Variants in UGT1A7 observed in about 807,000 individuals in gnomAD.
UGT1A7 encodes UDP glucuronosyltransferase family 1 member A7.
UGT1A7 carries 33 observed loss-of-function variants against 45.6 expected under a neutral mutation model. The ratio of observed to expected loss-of-function variants is 0.72; its 90% CI spans 0.55 to 0.97. The LOEUF (loss-of-function observed/expected upper bound fraction) is 0.97. UGT1A7 is among the 50% of genes least tolerant of loss of function. The pLI is 0.00. For missense variants in UGT1A7, 684 were observed against 666.2 expected, an observed-to-expected ratio of 1.03 and a Z score of -0.29; for synonymous variants, 274 against 250.6, an observed-to-expected ratio of 1.09 and a Z score of -0.88.
intron 1 of UGT1A7, chr2:233,729,523 C>T (rs753472390): frequency 6.2e-7 from 1 of 1,614,202 alleles, no homozygotes; most frequent in Non-Finnish European, 8.5e-7. Context: ...GGAGCTACTA[C>T]ATAATGAGGC....
rs1559392013 is a variant in UGT1A7 at position 233,747,291 on chromosome 2, T to C, written c.856-19743T>C. The C allele has an allele frequency of 3.1e-6, 5 of 1,600,838 alleles. No individual in the cohort carries two copies. In the African/African-American group the frequency reaches 4.0e-5, roughly 13 times the overall value. On this transcript the variant is annotated intron_variant, in intron 1 of 4. Transcript: ENST00000373426. ...TCCTTCTCAGTGCCCAGCCCTGGGCTGAGAGTGGGAAGGTGCTGGTGGTAC... is the reference window on the plus strand; with the variant it reads ...TCCTTCTCAGTGCCCAGCCCTGGGCCGAGAGTGGGAAGGTGCTGGTGGTAC...
intron 1 of UGT1A7, among the ~76,000 whole-genome samples, chr2:233,724,747 C>T (rs1469881894): frequency 7.0e-6 from 1 of 143,144 alleles, no homozygotes; most frequent in Admixed American, 7.0e-5. Context: ...TCCTCACATC[C>T]CAGACGATGG....
chr2:233,750,856 G>C (rs28899469), intron 1 of UGT1A7: 5,157 of 151,970 alleles, frequency 0.034, 172 homozygotes, highest in African/African-American at 0.052. Flanking sequence ...TGGATGTCCA[G>C]GCAGAAGTTT....
chr2:233,706,663 G>T (rs2075918745), intron 1 of UGT1A7, among the ~76,000 whole-genome samples: 1 of 152,176 alleles, frequency 6.6e-6, no homozygotes, highest in South Asian at 2.1e-4. Context: ...CTGTAGGTCT[G>T]ATTTCTACTC....
intron 1 of UGT1A7, chr2:233,760,508 A>T (rs983416663): frequency 5.0e-6 from 8 of 1,614,272 alleles, no homozygotes; most frequent in Non-Finnish European, 6.8e-6. Flanking sequence ...GGAGCATTTT[A>T]CACCTTGAAG....
intron 1 of UGT1A7, chr2:233,713,795 G>C: frequency 6.2e-7 from 1 of 1,614,030 alleles, no homozygotes; most frequent in East Asian, 2.2e-5. Flanking sequence ...ACCCCAGGCC[G>C]ATCATGCCCA....
intron 1 of UGT1A7, chr2:233,741,006 G>T (rs1691538713): frequency 6.6e-6 from 1 of 151,750 alleles, no homozygotes; most frequent in Admixed American, 6.6e-5. Context: ...AGGATCACTT[G>T]AGCCCAGGAA....
At chr2:233,754,204 A>G (rs1695418999) in intron 1 of UGT1A7, 1 of 163,390 alleles carries the variant, frequency 6.1e-6, no homozygotes, top group South Asian at 1.6e-4. Flanking sequence ...AAAACATTGA[A>G]GTCAAATGAT....
At chr2:233,719,837 GT>G in intron 1 of UGT1A7, 1 of 1,534,622 alleles carries the variant, frequency 6.5e-7, no homozygotes, top group Non-Finnish European at 8.8e-7. Flanking sequence ...GGGGCCTAGT[GT>G]ATTTCAAGTT....
At chr2:233,689,324 T>C (rs1400176387) in intron 1 of UGT1A7, among the ~76,000 whole-genome samples, 1 of 152,182 alleles carries the variant, frequency 6.6e-6, no homozygotes, top group Non-Finnish European at 1.5e-5. Flanking sequence ...ACATCTACAC[T>C]GAGATTTGCA....
intron 1 of UGT1A7, among the ~76,000 whole-genome samples, chr2:233,731,794 A>G (rs1329897659): frequency 6.6e-6 from 1 of 152,192 alleles, no homozygotes; most frequent in African/African-American, 2.4e-5. Context: ...GTTTGGGTAT[A>G]TACCCAGTAA....
chr2:233,740,373 A>C (rs1691376932), intron 1 of UGT1A7, among the ~76,000 whole-genome samples: 2 of 151,912 alleles, frequency 1.3e-5, no homozygotes, highest in Non-Finnish European at 2.9e-5. Context: ...CTAGAAAGGT[A>C]AGTTGTTGTG....
chr2:233,757,535 A>AATAT (rs67292694), intron 1 of UGT1A7, among the ~76,000 whole-genome samples: 4,411 of 88,266 alleles, frequency 0.05, 328 homozygotes, highest in Non-Finnish European at 0.062. Context: ...GCCTGTAAGG[A>AATAT]ATATATATAT....
intron 1 of UGT1A7, among the ~76,000 whole-genome samples, chr2:233,758,056 A>C (rs1696785048): frequency 6.6e-6 from 1 of 152,062 alleles, no homozygotes; most frequent in Non-Finnish European, 1.5e-5. Context: ...GACCATTTCT[A>C]ACTTGACTTT....
At position 233,743,070 on chromosome 2, in the gene UGT1A7, T is replaced by G. The variant is rs1338507367; in HGVS notation, c.856-23964T>G. 11 of 339,422 alleles carry G rather than the reference T, an allele frequency of 3.2e-5. No homozygotes were observed. The Admixed American group carries it at 4.5e-4, about 14-fold the overall frequency. 21.0% of individuals were successfully genotyped at this position (339,422 alleles called of 1,614,324 possible). A position where few individuals can be genotyped will look rare whatever the true frequency, so the allele number is the denominator to read the frequency against. On this transcript the variant is annotated intron_variant, in intron 1 of 4. Transcript: ENST00000373426. ...TAGTCCCAACGATAAGAACAGGTGT[T>G]GGCATGAAGTGTTTATAAATTCTTG...
In UGT1A7 at chr2:233,743,065, G is replaced by A. The variant is rs916889730; in HGVS notation, c.856-23969G>A. Reference sequence around the variant, plus strand: ...CCGTGTAGTCCCAACGATAAGAACAGGTGTTGGCATGAAGTGTTTATAAAT... The same window carrying A: ...CCGTGTAGTCCCAACGATAAGAACAAGTGTTGGCATGAAGTGTTTATAAAT... On this transcript the variant is annotated intron_variant, in intron 1 of 4. Coordinates refer to ENST00000373426, the MANE Select transcript of UGT1A7 (RefSeq NM_019077.3). 1.2e-5 allele frequency: 4 copies of A among 339,690 alleles called. No homozygotes were observed. The Admixed American group carries it at 1.2e-4, about 10-fold the overall frequency. The allele number at this position is 339,690 out of a possible 1,614,324, so 21.0% of individuals were successfully genotyped here.
intron 1 of UGT1A7, among the ~76,000 whole-genome samples, chr2:233,697,807 T>G (rs943865448): frequency 3.9e-5 from 6 of 152,202 alleles, no homozygotes; most frequent in African/African-American, 1.4e-4. Flanking sequence ...TTTTAAATTT[T>G]CTTTTTAATT....
chr2:233,749,921 T>C (rs1694306476), intron 1 of UGT1A7, among the ~76,000 whole-genome samples: 1 of 151,948 alleles, frequency 6.6e-6, no homozygotes. Flanking sequence ...TGTGAGTCAA[T>C]TAAAGCTCTT....
At chr2:233,718,781 G>T (rs767988524) in intron 1 of UGT1A7, 21 of 1,613,022 alleles carry the variant, frequency 1.3e-5, no homozygotes, top group Non-Finnish European at 1.7e-5. Context: ...AGCAGGCACA[G>T]CGTGGGGTGG....
Sources: gnomAD v4.1 joint callset for allele counts (sites outside exome capture counted in the v4.1 genomes callset) on GRCh38, gnomAD v4.1.1 for gene constraint, MANE v1.5 for transcripts, NCBI Gene and HGNC (gene_info 2026-07-23, HGNC 2026-07-21) for gene names.